MAPK6: variants seen among roughly 807,000 people sequenced by gnomAD.
MAPK6 encodes the protein mitogen-activated protein kinase 6.
Under a neutral mutation model 59.3 loss-of-function variants are expected in MAPK6, and 19 were observed. The observed-to-expected ratio is 0.32, with a 90% CI of 0.22 to 0.47. MAPK6 has a LOEUF of 0.47. Ranked by LOEUF, MAPK6 falls within the 20% of genes least tolerant of loss-of-function variation. The probability of loss-of-function intolerance (pLI) is 1.00; values close to 1 mark genes in which losing one functional copy is unlikely to be tolerated. For missense variants in MAPK6, 724 were observed against 847.9 expected (o/e 0.85, Z 1.81); for synonymous variants, 316 against 290.3 (o/e 1.09, Z -0.90).
intron 1 of MAPK6, among the ~76,000 whole-genome samples, chr15:52,036,108 G>A (rs764586058): frequency 3.3e-5 from 5 of 152,078 alleles, no homozygotes; most frequent in Admixed American, 6.6e-5. Context: ...GGTGGTGTGC[G>A]CCTGTACTCC....
chr15:51,979,213 AAG>A (rs1179962311), intron 1 of MAPK6, among the ~76,000 whole-genome samples: 2 of 119,926 alleles, frequency 1.7e-5, no homozygotes, highest in African/African-American at 6.4e-5. Flanking sequence ...GGAAAGAAGA[AAG>A]AAAAAAAGAG....
chr15:52,057,963 C>G (rs1820256828), intron 3 of MAPK6, among the ~76,000 whole-genome samples: 1 of 152,084 alleles, frequency 6.6e-6, no homozygotes, highest in African/African-American at 2.4e-5. Flanking sequence ...CTCAAGTGTC[C>G]TGCGCATAGT....
chr15:52,060,332 G>A (rs1168680127), intron 4 of MAPK6, among the ~76,000 whole-genome samples: 1 of 152,208 alleles, frequency 6.6e-6, no homozygotes, highest in Non-Finnish European at 1.5e-5. Context: ...AGAAGGCAAG[G>A]ATAAGAGGAT....
chr15:52,029,013 C>A (rs2030923229), intron 1 of MAPK6, among the ~76,000 whole-genome samples: 1 of 152,106 alleles, frequency 6.6e-6, no homozygotes, highest in African/African-American at 2.4e-5. Context: ...TCTTGTTTTC[C>A]TTCTACTTTA....
chr15:52,060,718 A>G (rs907051600), intron 4 of MAPK6, among the ~76,000 whole-genome samples: 8 of 152,196 alleles, frequency 5.3e-5, no homozygotes, highest in Admixed American at 2.0e-4. Flanking sequence ...AAGATGTGCA[A>G]GGTCAGTGTG....
At chr15:51,973,426 C>G (rs1305887340) in intron 1 of MAPK6, among the ~76,000 whole-genome samples, 1 of 151,944 alleles carries the variant, frequency 6.6e-6, no homozygotes, top group Admixed American at 6.6e-5. Context: ...ACTGCAGCCT[C>G]AAACTCCTGG....
intron 1 of MAPK6, among the ~76,000 whole-genome samples, chr15:51,978,926 G>C (rs2057164924): frequency 6.6e-6 from 1 of 151,246 alleles, no homozygotes; most frequent in Admixed American, 6.6e-5. Flanking sequence ...TTCAAGACCA[G>C]CCTGGGCAAC....
At chr15:52,015,745 C>T (rs2030217808), upstream of MAPK6, among the ~76,000 whole-genome samples, 1 of 149,918 alleles carries the variant, frequency 6.7e-6, no homozygotes, top group Non-Finnish European at 1.5e-5. Flanking sequence ...AGTCCGCGCC[C>T]AGCCCAGAAT....
intron 3 of MAPK6, among the ~76,000 whole-genome samples, chr15:52,053,553 T>G (rs947263417): frequency 1.3e-5 from 2 of 151,080 alleles, no homozygotes; most frequent in Non-Finnish European, 2.9e-5. Context: ...TATTCTGCAG[T>G]TTTTTTTCCC....
intron 2 of MAPK6, among the ~76,000 whole-genome samples, chr15:52,047,967 C>G (rs1037999079): frequency 6.6e-6 from 1 of 152,012 alleles, no homozygotes; most frequent in African/African-American, 2.4e-5. Flanking sequence ...ATTTTTCAAG[C>G]TGAACCTTGG....
At chr15:52,021,445 T>A (rs2030525596) in intron 1 of MAPK6, 1 of 151,254 alleles carries the variant, frequency 6.6e-6, no homozygotes, top group African/African-American at 2.4e-5. Context: ...AAATTCTCTC[T>A]CATTTTTTCT....
chr15:51,983,541 G>A (rs1351861367), intron 2 of MAPK6, among the ~76,000 whole-genome samples: 1 of 151,842 alleles, frequency 6.6e-6, no homozygotes, highest in East Asian at 1.9e-4. Context: ...CTGATGTGGT[G>A]GCTCTTGCTT....
At chr15:52,038,616 A>G (rs74013648) in intron 1 of MAPK6, among the ~76,000 whole-genome samples, 8,359 of 152,154 alleles carry the variant, frequency 0.055, 443 homozygotes, top group African/African-American at 0.13. Flanking sequence ...ATTTTCATCT[A>G]GTTAGAATCC....
chr15:52,054,733 C>CAT (rs2031903037), intron 3 of MAPK6, among the ~76,000 whole-genome samples: 1 of 149,554 alleles, frequency 6.7e-6, no homozygotes, highest in African/African-American at 2.5e-5. Context: ...TATCTATACA[C>CAT]ACACACACAC....
At chr15:51,975,583 A>G (rs1466345532) in intron 1 of MAPK6, among the ~76,000 whole-genome samples, 1 of 151,850 alleles carries the variant, frequency 6.6e-6, no homozygotes, top group Non-Finnish European at 1.5e-5. Context: ...AATCACACAA[A>G]AAGGAATATA....
chr15:52,003,726 T>C (rs2057249561), intron 2 of MAPK6, among the ~76,000 whole-genome samples: 1 of 152,174 alleles, frequency 6.6e-6, no homozygotes, highest in Non-Finnish European at 1.5e-5. Context: ...TTACACAAAT[T>C]AAATGTGACT....
intron 1 of MAPK6, 143 bp downstream of exon 1, chr15:52,019,519 G>C (rs1369169013): frequency 6.8e-6 from 1 of 146,840 alleles, no homozygotes. Flanking sequence ...GGCGGCTGCC[G>C]CTCAACAAAG....
intron 3 of MAPK6, among the ~76,000 whole-genome samples, chr15:52,053,072 T>G (rs948621666): frequency 3.1e-5 from 4 of 129,684 alleles, no homozygotes; most frequent in Non-Finnish European, 6.3e-5. Flanking sequence ...TCATTGTGGT[T>G]TTTTTTTTTT....
chr15:52,066,790 G>GTGTGTA lies in MAPK6; in HGVS notation c.*1793_*1794insGTATGT, dbSNP rs1426550500. 4.3e-5 allele frequency: 6 copies of GTGTGTA among 141,042 alleles called. No homozygotes were observed. The highest frequency in any genetic ancestry group is 6.2e-5 in the Non-Finnish European group (4 of 64,834). The allele number at this position is 141,042 out of a possible 1,614,324, so 8.7% of individuals were successfully genotyped here. A position where few individuals can be genotyped will look rare whatever the true frequency, so the allele number is the denominator to read the frequency against. Reference sequence around the variant, plus strand: ...TGTGTGTGTGTGTGTGTGTGTGTGTGTGTATATATATTCATTTATTTATTT... The same window carrying GTGTGTA: ...TGTGTGTGTGTGTGTGTGTGTGTGTGTGTGTATGTATATATATTCATTTATTTATTT... On this transcript the variant is annotated 3_prime_UTR_variant, in exon 6 of 6. Transcript: ENST00000261845.
Sources: allele counts gnomAD v4.1 joint callset (sites outside exome capture counted in the v4.1 genomes callset), GRCh38; gene constraint gnomAD v4.1.1; transcripts MANE v1.5; gene names NCBI Gene and HGNC (gene_info 2026-07-23, HGNC 2026-07-21).